Variants in MRTFB observed in about 807,000 individuals in gnomAD.
MRTFB encodes myocardin related transcription factor B.
MRTFB carries 29 observed loss-of-function variants against 104.2 expected under a neutral mutation model. The observed-to-expected ratio is 0.28, with a 90% CI of 0.21 to 0.38. The LOEUF (loss-of-function observed/expected upper bound fraction) is 0.38, where lower values mean the gene tolerates loss of function less well. Among genes scored for constraint, MRTFB ranks in the 10% least tolerant of loss-of-function variants. The pLI is 1.00. For missense variants in MRTFB, 1,270 were observed against 1,341.6 expected (o/e 0.95, Z 0.83); for synonymous variants, 535 against 519.5 (o/e 1.03, Z -0.41).
intron 1 of MRTFB, among the ~76,000 whole-genome samples, chr16:14,074,064 G>GTT (rs2033892042): frequency 7.2e-6 from 1 of 138,414 alleles, no homozygotes; most frequent in African/African-American, 3.3e-5. Flanking sequence ...AGTTTATTTG[G>GTT]CTTTTTTTTG....
the MRTFB span, among the ~76,000 whole-genome samples, chr16:14,036,165 A>C: frequency 7.5e-5 from 9 of 120,282 alleles, no homozygotes; most frequent in Non-Finnish European, 1.3e-4. Context: ...ATTATATAAA[A>C]TATATATTAT....
intron 8 of MRTFB, among the ~76,000 whole-genome samples, chr16:14,220,726 C>T (rs1054231684): frequency 1.3e-5 from 2 of 152,214 alleles, no homozygotes; most frequent in Non-Finnish European, 2.9e-5. Flanking sequence ...TTCAGTGCTG[C>T]TGCAGTACAG....
intron 3 of MRTFB, chr16:14,187,070 A>T: frequency 1.3e-6 from 2 of 1,559,118 alleles, no homozygotes; most frequent in Non-Finnish European, 1.7e-6. Flanking sequence ...AAAACTGCCA[A>T]ATTCATATTC....
At chr16:14,255,102 C>T (rs1477387120) in intron 15 of MRTFB, among the ~76,000 whole-genome samples, 1 of 152,208 alleles carries the variant, frequency 6.6e-6, no homozygotes, top group Non-Finnish European at 1.5e-5. Flanking sequence ...TAGATCATAA[C>T]TTATCCAATC....
At chr16:14,259,944 A>G (rs1202209914) in intron 16 of MRTFB, among the ~76,000 whole-genome samples, 1 of 152,222 alleles carries the variant, frequency 6.6e-6, no homozygotes, top group African/African-American at 2.4e-5. Context: ...CCATTTGCAC[A>G]TAGCAATCAT....
At chr16:14,133,658 G>A (rs2037557381) in intron 2 of MRTFB, among the ~76,000 whole-genome samples, 1 of 151,910 alleles carries the variant, frequency 6.6e-6, no homozygotes, top group African/African-American at 2.4e-5. Flanking sequence ...TTGGAAATAG[G>A]AGTACAATAT....
intron 8 of MRTFB, among the ~76,000 whole-genome samples, chr16:14,221,372 C>T (rs998873143): frequency 6.6e-6 from 1 of 152,206 alleles, no homozygotes; most frequent in Non-Finnish European, 1.5e-5. Context: ...TGACACATTG[C>T]TTCTCCTTAG....
At chr16:14,247,678 GT>G (rs1308436889) in intron 12 of MRTFB, 171 bp downstream of exon 12, 2 of 623,294 alleles carry the variant, frequency 3.2e-6, no homozygotes, top group Non-Finnish European at 5.5e-6. Context: ...ATCTAGCACT[GT>G]TTTTATATAG....
chr16:14,153,328 G>A (rs911344783), intron 3 of MRTFB: 2 of 152,136 alleles, frequency 1.3e-5, no homozygotes, highest in Admixed American at 6.6e-5. Flanking sequence ...TGCTTTTCTA[G>A]TATGTTTTCT....
chr16:14,129,878 G>T (rs2037350209), intron 2 of MRTFB, among the ~76,000 whole-genome samples: 1 of 152,130 alleles, frequency 6.6e-6, no homozygotes, highest in African/African-American at 2.4e-5. Context: ...GCCCAGGCTG[G>T]AGTGCAGTGG....
upstream of MRTFB, among the ~76,000 whole-genome samples, chr16:14,069,705 C>T (rs982794326): frequency 6.6e-6 from 1 of 152,180 alleles, no homozygotes; most frequent in African/African-American, 2.4e-5. Flanking sequence ...TGGTCTAAAA[C>T]TCCTAGGCTC....
Position 14,260,932 on chromosome 16 carries a change from G to C in MRTFB, c.2788G>C (p.Glu930Gln), listed in dbSNP as rs1597401105. 2 of 1,607,210 alleles carry C rather than the reference G, an allele frequency of 1.2e-6. No homozygotes were observed. Among genetic ancestry groups the C allele is most frequent in the Non-Finnish European group, 1.7e-6 (2 of 1,175,842 alleles). ...AGAGATCTCCCTCCCCATAAAAGAA[G>C]AACCTTCTCCTATTTCCAAAATGAG... ...SGEISLPIKE[E>Q]PSPISKMRPV... Residue 930 changes from glutamate to glutamine, a missense_variant, in exon 17 of 17, where the codon GAA becomes CAA. Glu to Gln is a conservative substitution (Grantham distance 29). Coordinates refer to ENST00000571589, the MANE Select transcript of MRTFB (RefSeq NM_001308142.2).
chr16:14,204,752 C>G (rs955730666), intron 3 of MRTFB, among the ~76,000 whole-genome samples: 4 of 152,098 alleles, frequency 2.6e-5, no homozygotes, highest in African/African-American at 9.7e-5. Flanking sequence ...CCATCTGTAT[C>G]CATGTTCACA....
chr16:14,159,215 C>G (rs9923641), intron 3 of MRTFB, among the ~76,000 whole-genome samples: 13,665 of 152,134 alleles, frequency 0.09, 1,264 homozygotes, highest in African/African-American at 0.23. Context: ...ATACTTTTCT[C>G]AGAAAATGTT....
chr16:14,091,193 A>C (rs1037874420), intron 2 of MRTFB, among the ~76,000 whole-genome samples: 17 of 152,094 alleles, frequency 1.1e-4, no homozygotes, highest in African/African-American at 4.1e-4. Flanking sequence ...TGAGGACCTG[A>C]ACTAGGGCAC....
chr16:14,162,676 C>T (rs556498630), intron 3 of MRTFB, among the ~76,000 whole-genome samples: 92 of 152,254 alleles, frequency 6.0e-4, no homozygotes, highest in African/African-American at 2.0e-3. Context: ...CAAAAACAGG[C>T]TGAACTACTA....
chr16:14,256,426 C>A (rs577322457), intron 15 of MRTFB, among the ~76,000 whole-genome samples: 76 of 152,296 alleles, frequency 5.0e-4, no homozygotes, highest in Non-Finnish European at 7.8e-4. Flanking sequence ...CGACTCACTT[C>A]TAACAAACAG....
At chr16:14,191,565 G>T (rs1324403025) in intron 3 of MRTFB, among the ~76,000 whole-genome samples, 1 of 152,140 alleles carries the variant, frequency 6.6e-6, no homozygotes. Flanking sequence ...TGTCTGGCCT[G>T]TTTGTCCCCC....
At chr16:14,056,083 A>G in the MRTFB span, among the ~76,000 whole-genome samples, 4 of 151,542 alleles carry the variant, frequency 2.6e-5, no homozygotes, top group Non-Finnish European at 5.9e-5. Flanking sequence ...GATTCAAGTA[A>G]CTCTCATGCT....
Sources: allele counts gnomAD v4.1 joint callset (sites outside exome capture counted in the v4.1 genomes callset), GRCh38; gene constraint gnomAD v4.1.1; transcripts MANE v1.5; gene names NCBI Gene and HGNC (gene_info 2026-07-23, HGNC 2026-07-21).